Variants in EBF1 observed in about 807,000 individuals in gnomAD.
The protein encoded by EBF1 is transcription factor COE1.
A neutral mutation model predicts 68.4 loss-of-function variants in EBF1; 10 were observed. The ratio of observed to expected loss-of-function variants is 0.15; its 90% CI spans 0.09 to 0.25. EBF1 has a LOEUF of 0.25. EBF1 is among the 10% of genes least tolerant of loss of function. The pLI, the probability that EBF1 is intolerant of heterozygous loss-of-function variation, is 1.00. For missense variants in EBF1, 509 were observed against 794.4 expected (o/e 0.64, Z 4.32); for synonymous variants, 298 against 299.8 (o/e 0.99, Z 0.06).
intron 6 of EBF1, among the ~76,000 whole-genome samples, chr5:158,845,233 A>T (rs1206842892): frequency 1.3e-5 from 2 of 152,234 alleles, no homozygotes; most frequent in Non-Finnish European, 2.9e-5. Context: ...AAGAGCTTGC[A>T]TTGGAGCTAA....
In EBF1 at chr5:158,852,266, A is replaced by C. The variant is rs145822085; in HGVS notation, c.555-12156T>G. 6.8e-3 allele frequency among the ~76,000 whole-genome samples: 1,032 copies of C among 152,120 alleles called. 10 individuals are homozygous for C. Among genetic ancestry groups the C allele is most frequent in the African/African-American group, 0.024 (991 of 41,486 alleles). On this transcript the variant is annotated intron_variant, in intron 6 of 15. Coordinates refer to ENST00000313708, the MANE Select transcript of EBF1 (RefSeq NM_024007.5). ...ACACAGAATCTTGCTAAGGATGAAA[A>C]GTATTTTGAAACTATTTTAAATAAT...
intron 6 of EBF1, among the ~76,000 whole-genome samples, chr5:158,906,814 C>T (rs148954101): frequency 3.3e-5 from 5 of 152,136 alleles, no homozygotes; most frequent in African/African-American, 7.2e-5. Context: ...TGTTTACTAG[C>T]GCACTGTGAA....
At chr5:158,699,332 A>ATCTTCTCTGGAATGAATTT (rs1756268759) in intron 15 of EBF1, among the ~76,000 whole-genome samples, 190 bp from the exon 16 acceptor site, 3 of 147,968 alleles carry the variant, frequency 2.0e-5, no homozygotes, top group Non-Finnish European at 3.1e-5. Flanking sequence ...ATTAAAAATT[A>ATCTTCTCTGGAATGAATTT]TAATAAATCA....
intron 6 of EBF1, among the ~76,000 whole-genome samples, chr5:158,929,922 G>T (rs1035303791): frequency 1.3e-5 from 2 of 152,114 alleles, no homozygotes; most frequent in Non-Finnish European, 2.9e-5. Flanking sequence ...TTTGTTGTTT[G>T]TTCAATTCCC....
chr5:158,732,584 T>C (rs1764320502), intron 10 of EBF1, among the ~76,000 whole-genome samples: 1 of 152,036 alleles, frequency 6.6e-6, no homozygotes, highest in Non-Finnish European at 1.5e-5. Flanking sequence ...GCTTACTTTT[T>C]ATGTAAGGAA....
chr5:158,835,126 A>G (rs1320088684), intron 7 of EBF1, among the ~76,000 whole-genome samples: 2 of 152,228 alleles, frequency 1.3e-5, no homozygotes, highest in Admixed American at 1.3e-4. Flanking sequence ...CTCATAAGCA[A>G]TCTTCAACCA....
intron 10 of EBF1, among the ~76,000 whole-genome samples, chr5:158,776,309 C>CGA (rs370864488): frequency 0.011 from 1,593 of 148,038 alleles, 28 homozygotes; most frequent in African/African-American, 0.035. Context: ...TTTATAATTT[C>CGA]GAGAGAGAGA....
At chr5:158,707,225 C>T (rs1047669666) in intron 15 of EBF1, among the ~76,000 whole-genome samples, 2 of 152,170 alleles carry the variant, frequency 1.3e-5, no homozygotes, top group Non-Finnish European at 1.5e-5. Flanking sequence ...ATATGACACA[C>T]AACAGAGTGC....
intron 6 of EBF1, among the ~76,000 whole-genome samples, chr5:158,947,045 C>T (rs1049926272): frequency 3.3e-5 from 5 of 152,178 alleles, no homozygotes; most frequent in Non-Finnish European, 7.3e-5. Flanking sequence ...CCCCACCAAC[C>T]TCAAGCATCC....
At chr5:158,827,284 T>G (rs1786382807) in intron 7 of EBF1, among the ~76,000 whole-genome samples, 1 of 152,210 alleles carries the variant, frequency 6.6e-6, no homozygotes, top group African/African-American at 2.4e-5. Context: ...AGAAAGTGTT[T>G]CTTCTATGTC....
At chr5:158,922,466 G>T (rs1414489879) in intron 6 of EBF1, among the ~76,000 whole-genome samples, 7 of 152,138 alleles carry the variant, frequency 4.6e-5, no homozygotes, top group Admixed American at 3.9e-4. Context: ...GTCAGCAAGG[G>T]GCAGACATTT....
intron 6 of EBF1, among the ~76,000 whole-genome samples, chr5:158,945,016 T>C (rs534808832): frequency 6.6e-6 from 1 of 152,326 alleles, no homozygotes; most frequent in South Asian, 2.1e-4. Context: ...TCCCATTCTG[T>C]AGGTTGCCTG....
chr5:158,756,142 C>A (rs535443902), intron 10 of EBF1, among the ~76,000 whole-genome samples: 1 of 152,142 alleles, frequency 6.6e-6, no homozygotes, highest in East Asian at 1.9e-4. Flanking sequence ...TTGGTTGAGC[C>A]CCCCAGATTC....
At chr5:159,033,758 C>T (rs1769435332) in intron 6 of EBF1, among the ~76,000 whole-genome samples, 1 of 152,128 alleles carries the variant, frequency 6.6e-6, no homozygotes, top group African/African-American at 2.4e-5. Flanking sequence ...AGATAAAATT[C>T]CATCATATTT....
chr5:158,841,598 C>A (rs1319349800), intron 6 of EBF1, among the ~76,000 whole-genome samples: 2 of 152,212 alleles, frequency 1.3e-5, no homozygotes, highest in African/African-American at 2.4e-5. Flanking sequence ...TTATGAAGAA[C>A]TATCACCCTA....
At chr5:158,779,513 A>T (rs1405567284) in intron 9 of EBF1, among the ~76,000 whole-genome samples, 2 of 152,134 alleles carry the variant, frequency 1.3e-5, no homozygotes, top group African/African-American at 4.8e-5. Flanking sequence ...GAGCTTTGCC[A>T]TGCTTTTGGT....
chr5:158,726,953 T>C (rs1763114421), intron 11 of EBF1, among the ~76,000 whole-genome samples: 1 of 152,220 alleles, frequency 6.6e-6, no homozygotes. Flanking sequence ...GGCCCCCATT[T>C]ACTGGAGTCT....
At chr5:159,046,494 G>A (rs982448520) in intron 6 of EBF1, among the ~76,000 whole-genome samples, 4 of 152,206 alleles carry the variant, frequency 2.6e-5, no homozygotes, top group Non-Finnish European at 5.9e-5. Flanking sequence ...GAAGGGAAGA[G>A]ACCTCAAATA....
chr5:158,756,695 A>G (rs1770171893), intron 10 of EBF1, among the ~76,000 whole-genome samples: 1 of 151,634 alleles, frequency 6.6e-6, no homozygotes, highest in Non-Finnish European at 1.5e-5. Context: ...TCCCCAGTAA[A>G]CATTTAATAA....
Sources: allele counts gnomAD v4.1 joint callset (sites outside exome capture counted in the v4.1 genomes callset), GRCh38; gene constraint gnomAD v4.1.1; transcripts MANE v1.5; gene names NCBI Gene and HGNC (gene_info 2026-07-23, HGNC 2026-07-21).